SH3PXD2B: variants seen among roughly 807,000 people sequenced by gnomAD.
SH3PXD2B encodes the protein SH3 and PX domain-containing protein 2B.
A neutral mutation model predicts 73.1 loss-of-function variants in SH3PXD2B; 37 were observed. The ratio of observed to expected loss-of-function variants is 0.51; its 90% CI spans 0.39 to 0.67. The LOEUF is 0.67. Among genes scored for constraint, SH3PXD2B ranks in the 30% least tolerant of loss-of-function variants. SH3PXD2B has a pLI of 0.00. For missense variants in SH3PXD2B, 1,053 were observed against 1,197.8 expected (o/e 0.88, Z 1.78); for synonymous variants, 457 against 480.5 (o/e 0.95, Z 0.64).
At chr5:172,406,758 T>A (rs571489426) in intron 2 of SH3PXD2B, among the ~76,000 whole-genome samples, 66 of 152,304 alleles carry the variant, frequency 4.3e-4, no homozygotes, top group African/African-American at 1.6e-3. Flanking sequence ...CGGTTCATGC[T>A]TATGAGGGCA....
In SH3PXD2B at chr5:172,382,106, A is replaced by AG; in HGVS notation, c.330dup (p.Tyr111LeufsTer6). The AG allele has an allele frequency of 6.2e-7, 1 of 1,609,584 alleles. No homozygotes were observed. The highest frequency in any genetic ancestry group is 8.5e-7 in the Non-Finnish European group (1 of 1,178,210). On this transcript the variant is annotated frameshift_variant, in exon 5 of 13. Transcript: ENST00000311601. LOFTEE classifies it high-confidence loss of function. ...AGCACCTCATCACACTGAGAGATGT[A>AG]GGGGGGCAGCTGGATGAGGGCCTGG...
chr5:172,412,234 G>A (rs1454847935), intron 2 of SH3PXD2B, among the ~76,000 whole-genome samples: 1 of 152,218 alleles, frequency 6.6e-6, no homozygotes, highest in Non-Finnish European at 1.5e-5. Context: ...GTGGCCCCGT[G>A]GCTGTAGCAG....
chr5:172,380,993 T>C (rs1264415056), intron 5 of SH3PXD2B, among the ~76,000 whole-genome samples: 3 of 152,262 alleles, frequency 2.0e-5, no homozygotes, highest in Non-Finnish European at 4.4e-5. Flanking sequence ...ATAAATGGCC[T>C]GACTTCACTT....
At chr5:172,354,588 A>G (rs544075903) in intron 8 of SH3PXD2B, among the ~76,000 whole-genome samples, 1 of 152,220 alleles carries the variant, frequency 6.6e-6, no homozygotes, top group Non-Finnish European at 1.5e-5. Context: ...GAGGAGGTTA[A>G]GCTGTCTGTG....
At chr5:172,435,297 G>A (rs1759348259) in intron 1 of SH3PXD2B, among the ~76,000 whole-genome samples, 1 of 152,192 alleles carries the variant, frequency 6.6e-6, no homozygotes, top group African/African-American at 2.4e-5. Context: ...GAAGAATACT[G>A]TATTAGGAAT....
In SH3PXD2B at chr5:172,338,342, G is replaced by C. The variant is rs370962919; in HGVS notation, c.*27C>G. On this transcript the variant is annotated 3_prime_UTR_variant, in exon 13 of 13. Coordinates refer to ENST00000311601, the MANE Select transcript of SH3PXD2B (RefSeq NM_001017995.3). The surrounding 1 kb of genome is among the most constrained non-coding windows in gnomAD (Gnocchi z 5.1). ...GTGGGTAAAGCCAGCAAGGACCAGC[G>C]GGCCCTCTAGGCAGAAAGGGAGTCG... 1 of 1,613,772 alleles carries C rather than the reference G, an allele frequency of 6.2e-7. No homozygotes were observed. The highest frequency in any genetic ancestry group is 1.7e-5 in the Admixed American group (1 of 60,024).
chr5:172,413,051 G>C (rs547051644), intron 2 of SH3PXD2B, among the ~76,000 whole-genome samples: 1 of 152,226 alleles, frequency 6.6e-6, no homozygotes, highest in Non-Finnish European at 1.5e-5. Flanking sequence ...GCCACCACAC[G>C]TGGTTTGCGT....
downstream of SH3PXD2B, among the ~76,000 whole-genome samples, chr5:172,332,420 CTTTT>C (rs11320850): frequency 7.0e-6 from 1 of 142,296 alleles, no homozygotes; most frequent in East Asian, 2.0e-4. Context: ...CACCTGGCTA[CTTTT>C]TTTTTTTTTT....
chr5:172,449,015 T>G (rs1249323314), intron 1 of SH3PXD2B, among the ~76,000 whole-genome samples: 5 of 152,198 alleles, frequency 3.3e-5, no homozygotes, highest in Non-Finnish European at 7.4e-5. Flanking sequence ...ATGCCAGTAA[T>G]GCCTACTAAG....
intron 12 of SH3PXD2B, among the ~76,000 whole-genome samples, chr5:172,342,762 A>T (rs1187096837): frequency 1.5e-5 from 2 of 132,906 alleles, no homozygotes; most frequent in African/African-American, 5.4e-5. Context: ...CTCTGTCTCG[A>T]AAAAAAAAAA....
chr5:172,346,355 C>A (rs1449802055), intron 11 of SH3PXD2B, 94 bp from the exon 12 acceptor site: 9 of 1,583,228 alleles, frequency 5.7e-6, no homozygotes, highest in Non-Finnish European at 7.8e-6. Flanking sequence ...CATGCAATCA[C>A]CCTTAAGGGG....
intron 6 of SH3PXD2B, among the ~76,000 whole-genome samples, chr5:172,373,251 G>A (rs1757746014): frequency 6.6e-6 from 1 of 152,200 alleles, no homozygotes; most frequent in Non-Finnish European, 1.5e-5. Flanking sequence ...GCCTGTGCCT[G>A]GCGATCCCCT....
At chr5:172,433,274 A>C (rs1008228799) in intron 1 of SH3PXD2B, among the ~76,000 whole-genome samples, 1 of 152,134 alleles carries the variant, frequency 6.6e-6, no homozygotes, top group Non-Finnish European at 1.5e-5. Context: ...GTAAGTACAC[A>C]CTGTGATATT....
chr5:172,358,615 G>A (rs542259621), intron 8 of SH3PXD2B, among the ~76,000 whole-genome samples, 158 bp downstream of exon 8: 2 of 152,344 alleles, frequency 1.3e-5, no homozygotes, highest in African/African-American at 4.8e-5. Context: ...TAATACCATG[G>A]CCTGGTTTCT....
intron 1 of SH3PXD2B, among the ~76,000 whole-genome samples, chr5:172,447,313 C>T (rs751270080): frequency 6.6e-6 from 1 of 152,114 alleles, no homozygotes; most frequent in Non-Finnish European, 1.5e-5. Context: ...TGCTATTTTG[C>T]AAACCAGCTT....
In SH3PXD2B at chr5:172,362,382, G is replaced by A. The variant is rs1757421300; in HGVS notation, c.562+353C>T. 2.6e-5 allele frequency among the ~76,000 whole-genome samples: 4 copies of A among 152,212 alleles called. No homozygotes were observed. In the South Asian group the frequency reaches 8.3e-4, roughly 31 times the overall value. On this transcript the variant is annotated intron_variant, in intron 7 of 12. Transcript: ENST00000311601. ...CTGTCCCATTAGAGCCCAGAGCAAT[G>A]GAGCCTTCTCGGAGACTCCCATGGG...
In SH3PXD2B at chr5:172,368,618, ATATATATATATAATATATATGT is replaced by A. The variant is rs1561908402; in HGVS notation, c.427+5150_427+5171del. Among the ~76,000 whole-genome samples, 52 of 11,624 alleles carry A rather than the reference ATATATATATATAATATATATGT, an allele frequency of 4.5e-3. 8 individuals are homozygous for A. The highest frequency in any genetic ancestry group is 0.022 in the African/African-American group (51 of 2,320). 7.6% of individuals were successfully genotyped at this position (11,624 alleles called of 152,430 possible). A position where few individuals can be genotyped will look rare whatever the true frequency, so the allele number is the denominator to read the frequency against. ...ATGTTATATATATAATATATATGTT[ATATATATATATAATATATATGT>A]TATATATATAAAATATATATATTAT... On this transcript the variant is annotated intron_variant, in intron 6 of 12. Coordinates refer to ENST00000311601, the MANE Select transcript of SH3PXD2B (RefSeq NM_001017995.3).
chr5:172,346,006 A>T lies in SH3PXD2B; in HGVS notation c.1188+130T>A. ...AAAATTGTAAACTGTATGGTATGTG[A>T]ACCATAAAGCTGTTAATCTCCGCCC... On this transcript the variant is annotated intron_variant, in intron 12 of 12. Transcript: ENST00000311601. 3 of 1,397,372 alleles carry T rather than the reference A, an allele frequency of 2.1e-6. No homozygotes were observed. The East Asian group carries it at 6.9e-5, about 32-fold the overall frequency. 86.6% of individuals were successfully genotyped at this position (1,397,372 alleles called of 1,614,324 possible). A position where few individuals can be genotyped will look rare whatever the true frequency, so the allele number is the denominator to read the frequency against.
Position 172,420,477 on chromosome 5 carries a change from T to A in SH3PXD2B, c.156+1939A>T, listed in dbSNP as rs565322617. ...GCTCTGAAAATTCTCTATTCAGCAC[T>A]GTCAGGAGCAGATTAGGTCAGAATA... On this transcript the variant is annotated intron_variant, in intron 2 of 12. Transcript: ENST00000311601. 1.4e-3 allele frequency among the ~76,000 whole-genome samples: 218 copies of A among 151,948 alleles called. 1 individual carries two copies. The highest frequency in any genetic ancestry group is 5.1e-3 in the African/African-American group (209 of 41,218).
Sources: gnomAD v4.1 joint callset for allele counts (sites outside exome capture counted in the v4.1 genomes callset) on GRCh38, gnomAD v4.1.1 for gene constraint, Gnocchi (gnomAD v3.1) non-coding constraint, MANE v1.5 for transcripts, NCBI Gene and HGNC (gene_info 2026-07-23, HGNC 2026-07-21) for gene names.